DNAH3: variants seen among roughly 807,000 people sequenced by gnomAD.
The protein encoded by DNAH3 is axonemal beta dynein heavy chain 3.
Under a neutral mutation model 432.5 loss-of-function variants are expected in DNAH3, and 332 were observed. That is an observed-to-expected ratio of 0.77 (90% CI 0.70 to 0.84). The LOEUF is 0.84. Ranked by LOEUF, DNAH3 falls within the 40% of genes least tolerant of loss-of-function variation. The probability of loss-of-function intolerance (pLI) is 0.00; values close to 1 mark genes in which losing one functional copy is unlikely to be tolerated. For missense variants in DNAH3, 4,861 were observed against 5,114.0 expected, an observed-to-expected ratio of 0.95 and a Z score of 1.51; for synonymous variants, 1,956 against 1,900.2, an observed-to-expected ratio of 1.03 and a Z score of -0.76.
At chr16:21,041,311 C>T (rs965804844) in intron 32 of DNAH3, among the ~76,000 whole-genome samples, 2 of 152,048 alleles carry the variant, frequency 1.3e-5, no homozygotes, top group Non-Finnish European at 2.9e-5. Context: ...GCAGATGTGG[C>T]AGTGAGCCAA....
exon 5 of DNAH3, chr16:21,140,583 TCTC>T (rs760101363): frequency 6.2e-7 from 1 of 1,614,000 alleles, no homozygotes; most frequent in African/African-American, 1.3e-5. Context: ...TCCATTTCCA[TCTC>T]CTGCTGTAAC....
intron 50 of DNAH3, among the ~76,000 whole-genome samples, chr16:20,978,733 G>T (rs1291608251): frequency 6.6e-6 from 1 of 151,992 alleles, no homozygotes; most frequent in Non-Finnish European, 1.5e-5. Flanking sequence ...TAGAGATGGG[G>T]TCTTGCTGTG....
chr16:20,995,856 C>T (rs1373055706), intron 44 of DNAH3, among the ~76,000 whole-genome samples: 1 of 152,226 alleles, frequency 6.6e-6, no homozygotes, highest in African/African-American at 2.4e-5. Flanking sequence ...ACCCTGTAAA[C>T]TTCAGCTTCT....
chr16:21,148,439 T>TTATTA (rs1002496745), intron 1 of DNAH3, among the ~76,000 whole-genome samples: 2 of 137,770 alleles, frequency 1.5e-5, no homozygotes, highest in African/African-American at 5.8e-5. Flanking sequence ...ATTATTATTA[T>TTATTA]TTATTTTTTT....
chr16:20,963,616 A>T, exon 53 of DNAH3: 1 of 1,613,998 alleles, frequency 6.2e-7, no homozygotes. Flanking sequence ...TGCACGGACA[A>T]TCTCTGCCCA....
intron 44 of DNAH3, among the ~76,000 whole-genome samples, chr16:20,992,599 C>G (rs1275506011): frequency 2.0e-5 from 3 of 152,184 alleles, no homozygotes; most frequent in African/African-American, 7.2e-5. Flanking sequence ...CTCAGCCTCC[C>G]AAAGTGCTGG....
intron 8 of DNAH3, among the ~76,000 whole-genome samples, chr16:21,126,470 C>G (rs1288048642): frequency 2.0e-5 from 3 of 152,206 alleles, no homozygotes; most frequent in Non-Finnish European, 4.4e-5. Flanking sequence ...AAGGGAATTT[C>G]TCTGGCTGTG....
chr16:20,978,327 G>A (rs746708734), intron 50 of DNAH3, among the ~76,000 whole-genome samples: 2 of 152,130 alleles, frequency 1.3e-5, no homozygotes, highest in Non-Finnish European at 2.9e-5. Context: ...TCAGGAGTTT[G>A]AGATCAGACT....
At chr16:20,979,417 C>G (rs779723980) in exon 50 of DNAH3, 1 of 1,614,082 alleles carries the variant, frequency 6.2e-7, no homozygotes, top group Non-Finnish European at 8.5e-7. Flanking sequence ...TATTCAGGAG[C>G]GTCTTGAAGG....
At chr16:20,969,086 C>CTGTG (rs56928155) in intron 52 of DNAH3, among the ~76,000 whole-genome samples, 199 of 146,466 alleles carry the variant, frequency 1.4e-3, no homozygotes, top group African/African-American at 3.4e-3. Flanking sequence ...TTTTCTTTCT[C>CTGTG]TGTGTGTGTG....
At chr16:21,128,188 G>A (rs529990608) in intron 7 of DNAH3, among the ~76,000 whole-genome samples, 16 of 152,144 alleles carry the variant, frequency 1.1e-4, no homozygotes, top group African/African-American at 3.9e-4. Context: ...CAGAGGCCAG[G>A]ACCAAGCAGA....
intron 61 of DNAH3, among the ~76,000 whole-genome samples, chr16:20,934,656 T>G (rs1405662163): frequency 6.6e-6 from 1 of 152,224 alleles, no homozygotes; most frequent in Non-Finnish European, 1.5e-5. Context: ...AGTTGAACCA[T>G]TGCAAGTAAA....
intron 47 of DNAH3, 111 bp downstream of exon 47, chr16:20,987,194 A>G: frequency 7.7e-7 from 1 of 1,305,600 alleles, no homozygotes; most frequent in East Asian, 2.3e-5. Flanking sequence ...CCCGAGATTC[A>G]GAGTGCAGAG....
rs762197650 is a variant in DNAH3, at chr16:20,957,808, C to CAAAAAAAAAAAAAAAAAAAAAAAAAA, written c.10826+1345_10826+1370dup. ...GGCAATAAGAGCGAAACTCCATCTC[C>CAAAAAAAAAAAAAAAAAAAAAAAAAA]AAAAAAAAAAAAAAAAAAAAAAAAA... On this transcript the variant is annotated intron_variant, in intron 54 of 61. Transcript: ENST00000261383. Among the ~76,000 whole-genome samples, 9 of 53,284 alleles carry CAAAAAAAAAAAAAAAAAAAAAAAAAA rather than the reference C, an allele frequency of 1.7e-4. 1 individual carries two copies. Among genetic ancestry groups the CAAAAAAAAAAAAAAAAAAAAAAAAAA allele is most frequent in the East Asian group, 1.4e-3 (3 of 2,108 alleles). The allele number at this position is 53,284 out of a possible 152,430, so 35.0% of individuals were successfully genotyped here.
intron 12 of DNAH3, among the ~76,000 whole-genome samples, chr16:21,115,897 T>A (rs767245314): frequency 6.6e-6 from 1 of 152,068 alleles, no homozygotes; most frequent in Non-Finnish European, 1.5e-5. Context: ...ATTTTTTGAC[T>A]AGGTTAGCAG....
chr16:20,993,064 C>T (rs1325184878), intron 44 of DNAH3, among the ~76,000 whole-genome samples: 1 of 152,046 alleles, frequency 6.6e-6, no homozygotes, highest in Non-Finnish European at 1.5e-5. Flanking sequence ...CAGGGTTTCA[C>T]CATGTTGGCC....
chr16:21,052,265 T>A (rs1324379869), intron 28 of DNAH3, among the ~76,000 whole-genome samples: 1 of 152,196 alleles, frequency 6.6e-6, no homozygotes, highest in Admixed American at 6.5e-5. Flanking sequence ...GTGCTGAGAT[T>A]ACAGGCGTGA....
intron 24 of DNAH3, among the ~76,000 whole-genome samples, chr16:21,066,377 T>C (rs1044771374): frequency 6.6e-6 from 1 of 151,984 alleles, no homozygotes; most frequent in Non-Finnish European, 1.5e-5. Flanking sequence ...TCTCCTTTTT[T>C]TTTATTTTGA....
At chr16:21,019,589 T>C (rs771229363) in intron 41 of DNAH3, 35 bp downstream of exon 41, 24 of 1,610,568 alleles carry the variant, frequency 1.5e-5, no homozygotes, top group Non-Finnish European at 1.9e-5. Flanking sequence ...ATTCCAACTA[T>C]TATACTAGAA....
Sources: allele counts gnomAD v4.1 joint callset (sites outside exome capture counted in the v4.1 genomes callset), GRCh38; gene constraint gnomAD v4.1.1; transcripts MANE v1.5; gene names NCBI Gene and HGNC (gene_info 2026-07-23, HGNC 2026-07-21).